The following ROR1 variants were observed in gnomAD, a reference collection of about 807,000 sequenced individuals.
ROR1 encodes inactive tyrosine-protein kinase transmembrane receptor ROR1.
A neutral mutation model predicts 78.8 loss-of-function variants in ROR1; 19 were observed. The ratio of observed to expected loss-of-function variants is 0.24; its 90% CI spans 0.17 to 0.35. The LOEUF (loss-of-function observed/expected upper bound fraction) is 0.35. Among genes scored for constraint, ROR1 ranks in the 10% least tolerant of loss-of-function variants. ROR1 has a pLI of 1.00. For synonymous variants in ROR1, 386 were observed against 433.6 expected, an observed-to-expected ratio of 0.89 and a Z score of 1.36; for missense variants, 917 against 1,177.8, an observed-to-expected ratio of 0.78 and a Z score of 3.24.
At chr1:64,021,970 T>G (rs926641723) in intron 2 of ROR1, among the ~76,000 whole-genome samples, 1 of 152,272 alleles carries the variant, frequency 6.6e-6, no homozygotes, top group Non-Finnish European at 1.5e-5. Flanking sequence ...TTACTCACAA[T>G]AGCCAAAAGA....
At chr1:64,157,724 G>A (rs1649813855) in intron 7 of ROR1, among the ~76,000 whole-genome samples, 1 of 152,100 alleles carries the variant, frequency 6.6e-6, no homozygotes, top group Non-Finnish European at 1.5e-5. Flanking sequence ...AGCATTTACA[G>A]GACATGTCAT....
intron 4 of ROR1, among the ~76,000 whole-genome samples, chr1:64,059,708 T>TAAAAAAAAAAAAAAAAAAAAAAA (rs75359961): frequency 7.6e-6 from 1 of 130,850 alleles, no homozygotes; most frequent in African/African-American, 2.9e-5. Flanking sequence ...GACTCCATCT[T>TAAAAAAAAAAAAAAAAAAAAAAA]AAAAAAAAAA....
chr1:63,776,880 C>G (rs1028004593), intron 1 of ROR1, among the ~76,000 whole-genome samples: 23 of 152,064 alleles, frequency 1.5e-4, no homozygotes, highest in Non-Finnish European at 3.4e-4. Flanking sequence ...TCTCTGGGGT[C>G]AAGACTTCTG....
intron 1 of ROR1, among the ~76,000 whole-genome samples, chr1:63,799,962 A>G (rs1455053536): frequency 1.3e-5 from 2 of 152,232 alleles, no homozygotes; most frequent in Non-Finnish European, 2.9e-5. Flanking sequence ...GTTATCTTTT[A>G]TGGTCAAAGA....
In ROR1 at chr1:64,028,844, C is replaced by A. The variant is rs190023494; in HGVS notation, c.163+19468C>A. The stretch of plus-strand genomic sequence containing the variant: ...AAAATGTACAGTTAAATTATTATTG[C>A]CTATAATACCCCTGTTGTGCTATCA... On this transcript the variant is annotated intron_variant, in intron 2 of 8. Coordinates refer to ENST00000371079, the MANE Select transcript of ROR1 (RefSeq NM_005012.4). The A allele has an allele frequency of 1.6e-4, 24 of 152,134 alleles. 1 individual carries two copies. Among genetic ancestry groups the A allele is most frequent in the African/African-American group, 4.6e-4 (19 of 41,516 alleles). The allele number at this position is 152,134 out of a possible 1,614,324, so 9.4% of individuals were successfully genotyped here. A position where few individuals can be genotyped will look rare whatever the true frequency, so the allele number is the denominator to read the frequency against.
intron 6 of ROR1, 141 bp from the exon 7 acceptor site, chr1:64,142,264 C>T (rs767997920): frequency 2.0e-5 from 28 of 1,372,270 alleles, no homozygotes; most frequent in Non-Finnish European, 2.6e-5. Flanking sequence ...GGAGACTGTC[C>T]TGCATGGCCC....
intron 4 of ROR1, among the ~76,000 whole-genome samples, chr1:64,070,138 C>A (rs981568258): frequency 2.0e-5 from 3 of 152,166 alleles, no homozygotes; most frequent in African/African-American, 4.8e-5. Flanking sequence ...TAAATGGAAT[C>A]ATACACAGTA....
At chr1:64,159,965 GTCTT>G (rs1303567323) in intron 8 of ROR1, among the ~76,000 whole-genome samples, 1 of 152,110 alleles carries the variant, frequency 6.6e-6, no homozygotes, top group Non-Finnish European at 1.5e-5. Context: ...ATACAACAGA[GTCTT>G]TCTTTCAGGA....
chr1:63,944,530 T>C (rs1401484244), intron 1 of ROR1, among the ~76,000 whole-genome samples: 2 of 152,238 alleles, frequency 1.3e-5, no homozygotes, highest in African/African-American at 4.8e-5. Flanking sequence ...TCTTAGCCTA[T>C]GTCAAATGGT....
At chr1:63,971,408 T>C (rs1646119028) in intron 1 of ROR1, among the ~76,000 whole-genome samples, 1 of 152,192 alleles carries the variant, frequency 6.6e-6, no homozygotes. Context: ...CACTTTTTGA[T>C]TAGTATTTTT....
At chr1:64,072,984 T>C (rs1647020205) in intron 4 of ROR1, among the ~76,000 whole-genome samples, 1 of 152,072 alleles carries the variant, frequency 6.6e-6, no homozygotes, top group South Asian at 2.1e-4. Context: ...ACAAGATAAA[T>C]AAAATAAACA....
chr1:64,036,888 C>G lies in ROR1; in HGVS notation c.164-12803C>G, dbSNP rs184849607. ...GCTGGGTCTAGGGTCATCTTAAAGACTTTGTCATTCACATGTCTGGTGTCT... is the reference window on the plus strand; with the variant it reads ...GCTGGGTCTAGGGTCATCTTAAAGAGTTTGTCATTCACATGTCTGGTGTCT... On this transcript the variant is annotated intron_variant, in intron 2 of 8. Transcript: ENST00000371079. Among the ~76,000 whole-genome samples the G allele has an allele frequency of 4.5e-4, 68 of 152,312 alleles. 1 individual carries two copies. Among genetic ancestry groups the G allele is most frequent in the Admixed American group, 2.4e-3 (36 of 15,304 alleles).
chr1:63,877,389 G>A (rs145935907), intron 1 of ROR1, among the ~76,000 whole-genome samples: 5 of 152,240 alleles, frequency 3.3e-5, no homozygotes, highest in African/African-American at 9.6e-5. Flanking sequence ...CTGTCTGATG[G>A]GGATCATAAC....
Position 64,178,280 on chromosome 1 carries a change from C to A in ROR1, c.2239C>A (p.Arg747=). ...ATTTAAAGATATTCACGTCCGGCTT[C>A]GGTCCTGGGAGGGACTCTCAAGTCA... The part of the protein sequence containing the change: ...PRFKDIHVRL[R]SWEGLSSHTS... Residue 747 remains arginine, a synonymous_variant, in exon 9 of 9, where the codon CGG becomes AGG. Coordinates refer to ENST00000371079, the MANE Select transcript of ROR1 (RefSeq NM_005012.4). The surrounding 1 kb of genome is among the most constrained non-coding windows in gnomAD (Gnocchi z 4.3). The A allele has an allele frequency of 1.9e-6, 3 of 1,614,138 alleles. No homozygotes were observed. Among genetic ancestry groups the A allele is most frequent in the Non-Finnish European group, 2.5e-6 (3 of 1,180,026 alleles).
intron 1 of ROR1, among the ~76,000 whole-genome samples, chr1:63,830,301 T>C (rs1644979835): frequency 6.6e-6 from 1 of 152,180 alleles, no homozygotes; most frequent in South Asian, 2.1e-4. Flanking sequence ...ACCTTGGCCA[T>C]ATTCTTGCTT....
chr1:63,816,802 G>A (rs1284656958), intron 1 of ROR1, among the ~76,000 whole-genome samples: 2 of 152,172 alleles, frequency 1.3e-5, no homozygotes, highest in African/African-American at 2.4e-5. Flanking sequence ...AAGAGCACCT[G>A]TTTTATGGGC....
At chr1:64,044,877 A>G (rs1324034379) in intron 2 of ROR1, among the ~76,000 whole-genome samples, 3 of 152,168 alleles carry the variant, frequency 2.0e-5, no homozygotes, top group Admixed American at 6.6e-5. Flanking sequence ...CTTCCCAATC[A>G]TAACTGATGG....
chr1:63,979,900 AT>A (rs1240619881), intron 1 of ROR1, among the ~76,000 whole-genome samples: 1 of 152,224 alleles, frequency 6.6e-6, no homozygotes, highest in Admixed American at 6.5e-5. Flanking sequence ...TAAAATACAT[AT>A]GCACAAAACA....
chr1:64,120,361 C>T (rs1385871284), intron 4 of ROR1, among the ~76,000 whole-genome samples: 4 of 151,908 alleles, frequency 2.6e-5, no homozygotes, highest in Admixed American at 6.6e-5. Flanking sequence ...GAACCACATA[C>T]GTCATCTTCA....
Sources: gnomAD v4.1 joint callset for allele counts (sites outside exome capture counted in the v4.1 genomes callset) on GRCh38, gnomAD v4.1.1 for gene constraint, Gnocchi (gnomAD v3.1) non-coding constraint, MANE v1.5 for transcripts, NCBI Gene and HGNC (gene_info 2026-07-23, HGNC 2026-07-21) for gene names.